The following NRG3 variants were observed in gnomAD, a reference collection of about 807,000 sequenced individuals.
The protein encoded by NRG3 is pro-neuregulin-3, membrane-bound isoform.
A neutral mutation model predicts 66.9 loss-of-function variants in NRG3; 31 were observed. That is an observed-to-expected ratio of 0.46 (90% CI 0.35 to 0.63). The LOEUF (loss-of-function observed/expected upper bound fraction) is 0.63, where lower values mean the gene tolerates loss of function less well. Ranked by LOEUF, NRG3 falls within the 20% of genes least tolerant of loss-of-function variation. The probability of loss-of-function intolerance (pLI) is 0.00; values close to 1 mark genes in which losing one functional copy is unlikely to be tolerated. For missense variants in NRG3, 910 were observed against 878.9 expected (o/e 1.04, Z -0.45); for synonymous variants, 393 against 359.4 (o/e 1.09, Z -1.06).
intron 1 of NRG3, among the ~76,000 whole-genome samples, chr10:82,216,627 C>A (rs1486700663): frequency 6.8e-6 from 1 of 146,938 alleles, no homozygotes; most frequent in Admixed American, 6.8e-5. Context: ...TATATATATA[C>A]CCTTGTGCTA....
chr10:82,359,640 C>G (rs1358264615), intron 2 of NRG3, among the ~76,000 whole-genome samples: 1 of 152,154 alleles, frequency 6.6e-6, no homozygotes, highest in African/African-American at 2.4e-5. Context: ...ACCAAGCTTT[C>G]ATTTCCAGTA....
intron 1 of NRG3, among the ~76,000 whole-genome samples, chr10:82,269,287 T>G (rs1272286368): frequency 6.6e-6 from 1 of 152,172 alleles, no homozygotes; most frequent in South Asian, 2.1e-4. Flanking sequence ...TGATAGTTAA[T>G]TCTTGTTAGT....
intron 2 of NRG3, among the ~76,000 whole-genome samples, chr10:82,417,290 G>A (rs549418990): frequency 3.4e-4 from 52 of 152,312 alleles, no homozygotes; most frequent in Middle Eastern, 3.4e-3. Context: ...CCTTGTGGAA[G>A]TGATGCTGGA....
intron 1 of NRG3, among the ~76,000 whole-genome samples, chr10:82,314,998 A>C (rs1168239156): frequency 6.6e-6 from 1 of 152,302 alleles, no homozygotes; most frequent in South Asian, 2.1e-4. Flanking sequence ...AGCTGAATGT[A>C]TATGTGTGTG....
At chr10:82,096,733 A>G (rs1462224897) in intron 1 of NRG3, among the ~76,000 whole-genome samples, 4 of 152,184 alleles carry the variant, frequency 2.6e-5, no homozygotes, top group Non-Finnish European at 2.9e-5. Flanking sequence ...ACCACAGCCA[A>G]TGAACATACA....
intron 1 of NRG3, among the ~76,000 whole-genome samples, chr10:82,296,081 T>C (rs1239969313): frequency 1.3e-5 from 2 of 152,112 alleles, no homozygotes; most frequent in Non-Finnish European, 2.9e-5. Flanking sequence ...CACCAGTATC[T>C]AAAGGATGAG....
rs557564403 is a variant in NRG3 at position 81,906,885 on chromosome 10, A to C, written c.823+30722A>C. Among the ~76,000 whole-genome samples the C allele has an allele frequency of 6.6e-5, 10 of 152,268 alleles. No homozygotes were observed. In the South Asian group the frequency reaches 2.1e-3, roughly 32 times the overall value. On this transcript the variant is annotated intron_variant, in intron 1 of 8. Transcript: ENST00000372141. ...TTCTGATTTCAAAGATATTTTGAAGATAGTGTAGAGCAGTGAGGGTCTAGA... is the reference window on the plus strand; with the variant it reads ...TTCTGATTTCAAAGATATTTTGAAGCTAGTGTAGAGCAGTGAGGGTCTAGA...
At chr10:82,975,210 C>T (rs1852137608) in intron 7 of NRG3, among the ~76,000 whole-genome samples, 1 of 152,140 alleles carries the variant, frequency 6.6e-6, no homozygotes, top group Non-Finnish European at 1.5e-5. Flanking sequence ...CCAATATTAC[C>T]AGTCTTTTCG....
rs185201707 is a variant in NRG3, at chr10:82,974,642, C to T, written c.1412+727C>T. Among the ~76,000 whole-genome samples the T allele has an allele frequency of 6.4e-4, 98 of 152,284 alleles. 1 individual carries two copies. The highest frequency in any genetic ancestry group is 2.1e-3 in the African/African-American group (87 of 41,572). ...AATCTTTATGGAAGTTGTCCGAAGA[C>T]TTAAGCTTCCTTTTCTTAGTGAAAT... is the stretch of plus-strand genomic sequence containing the variant. On this transcript the variant is annotated intron_variant, in intron 7 of 8. Transcript: ENST00000372141.
At chr10:82,457,065 C>T (rs746275947) in intron 2 of NRG3, among the ~76,000 whole-genome samples, 6 of 152,110 alleles carry the variant, frequency 3.9e-5, no homozygotes, top group South Asian at 2.1e-4. Flanking sequence ...CCTAGAGCTA[C>T]GTAATCATTC....
At chr10:82,839,658 A>C (rs1383867322) in intron 3 of NRG3, among the ~76,000 whole-genome samples, 1 of 151,708 alleles carries the variant, frequency 6.6e-6, no homozygotes. Flanking sequence ...TATAATTTTA[A>C]AATTTAAGTG....
intron 4 of NRG3, among the ~76,000 whole-genome samples, chr10:82,948,810 TAGATTCC>T (rs1450367565): frequency 1.3e-5 from 2 of 152,190 alleles, no homozygotes; most frequent in East Asian, 3.8e-4. Context: ...AGGTCTTCTG[TAGATTCC>T]ATCAGCTTTT....
chr10:82,084,502 A>ACTTTTTTTTT (rs11458166), intron 1 of NRG3, among the ~76,000 whole-genome samples: 1 of 145,340 alleles, frequency 6.9e-6, no homozygotes, highest in African/African-American at 2.5e-5. Context: ...CATATATGAG[A>ACTTTTTTTTT]TTTTTTTTTT....
At chr10:82,393,979 T>A (rs764517558) in intron 2 of NRG3, among the ~76,000 whole-genome samples, 6 of 152,270 alleles carry the variant, frequency 3.9e-5, no homozygotes, top group Non-Finnish European at 7.4e-5. Flanking sequence ...TATTCCAATA[T>A]CCTATGTATA....
chr10:82,648,838 AT>A (rs971547278), intron 2 of NRG3, among the ~76,000 whole-genome samples: 39 of 152,188 alleles, frequency 2.6e-4, no homozygotes, highest in African/African-American at 8.9e-4. Context: ...AATGCTTGTG[AT>A]TTTTGTACAT....
At chr10:82,077,151 C>A (rs2065134679) in intron 1 of NRG3, among the ~76,000 whole-genome samples, 1 of 152,180 alleles carries the variant, frequency 6.6e-6, no homozygotes, top group African/African-American at 2.4e-5. Context: ...CCAGCATGAA[C>A]ACACATCAGC....
intron 2 of NRG3, among the ~76,000 whole-genome samples, chr10:82,542,160 G>A (rs1330017204): frequency 6.6e-6 from 1 of 152,076 alleles, no homozygotes; most frequent in African/African-American, 2.4e-5. Flanking sequence ...ACTTATGAAT[G>A]AGAACATGTG....
chr10:82,199,186 A>AT (rs1420231398), intron 1 of NRG3, among the ~76,000 whole-genome samples: 1 of 149,658 alleles, frequency 6.7e-6, no homozygotes, highest in African/African-American at 2.5e-5. Context: ...AAAAAAAAAA[A>AT]GAAAAGAAAA....
At chr10:82,223,485 C>T (rs2018490866) in intron 1 of NRG3, among the ~76,000 whole-genome samples, 1 of 152,068 alleles carries the variant, frequency 6.6e-6, no homozygotes, top group South Asian at 2.1e-4. Context: ...TCACCTTGGC[C>T]GCTTTTCCCC....
Sources: allele counts gnomAD v4.1 joint callset (sites outside exome capture counted in the v4.1 genomes callset), GRCh38; gene constraint gnomAD v4.1.1; transcripts MANE v1.5; gene names NCBI Gene and HGNC (gene_info 2026-07-23, HGNC 2026-07-21).